LDLRAP1: variants seen among roughly 807,000 people sequenced by gnomAD.
LDLRAP1 encodes the protein low density lipoprotein receptor adapter protein 1.
In LDLRAP1, 30 loss-of-function variants were observed where a neutral mutation model predicts 37.8. The observed-to-expected ratio is 0.79, with a 90% CI of 0.59 to 1.08. The LOEUF (loss-of-function observed/expected upper bound fraction) is 1.08, where lower values mean the gene tolerates loss of function less well. LDLRAP1 is among the 50% of genes least tolerant of loss of function. The pLI is 0.00. For missense variants in LDLRAP1, 375 were observed against 401.6 expected (o/e 0.93, Z 0.57); for synonymous variants, 156 against 169.8 (o/e 0.92, Z 0.63).
the LDLRAP1 span, among the ~76,000 whole-genome samples, chr1:25,585,665 C>G: frequency 3.9e-5 from 6 of 152,184 alleles, no homozygotes; most frequent in Non-Finnish European, 8.8e-5. Context: ...TGGAACTGGC[C>G]TCTGGGCCTA....
the LDLRAP1 span, among the ~76,000 whole-genome samples, chr1:25,584,669 C>T: frequency 2.0e-5 from 3 of 152,224 alleles, no homozygotes; most frequent in East Asian, 5.8e-4. Flanking sequence ...GAAGCTGAAG[C>T]TTCATATCCC....
intron 8 of LDLRAP1, among the ~76,000 whole-genome samples, chr1:25,565,640 A>G (rs1441948176): frequency 6.6e-6 from 1 of 151,896 alleles, no homozygotes; most frequent in Non-Finnish European, 1.5e-5. Flanking sequence ...GAAGCGTTCC[A>G]TAGCAGGGAA....
rs575366471 is a variant in LDLRAP1 at position 25,551,424 on chromosome 1, GTC to G, written c.89-2495_89-2494del. Among the ~76,000 whole-genome samples, 106 of 152,350 alleles carry G rather than the reference GTC, an allele frequency of 7.0e-4. 1 individual carries two copies. The highest frequency in any genetic ancestry group is 1.3e-3 in the Non-Finnish European group (89 of 68,038). ...TTGGGCTTTAGAGTCAGTCCTTTGA[GTC>G]TCAGTTTCCTCTCTGTAAAATGGGA... On this transcript the variant is annotated intron_variant, in intron 1 of 8. Coordinates refer to ENST00000374338, the MANE Select transcript of LDLRAP1 (RefSeq NM_015627.3).
chr1:25,574,074 A>T, the LDLRAP1 span, among the ~76,000 whole-genome samples: 1 of 152,214 alleles, frequency 6.6e-6, no homozygotes, highest in African/African-American at 2.4e-5. Context: ...GGGTGGTCAG[A>T]GTTGGACAGA....
At chr1:25,563,537 G>A in intron 6 of LDLRAP1, 124 bp from the exon 7 acceptor site, 1 of 1,331,902 alleles carries the variant, frequency 7.5e-7, no homozygotes, top group Non-Finnish European at 1.0e-6. Flanking sequence ...CCAGGGCCGG[G>A]CTCTGCTGGG....
intron 4 of LDLRAP1, among the ~76,000 whole-genome samples, chr1:25,562,049 C>A (rs530029107): frequency 1.2e-4 from 18 of 152,042 alleles, no homozygotes; most frequent in Non-Finnish European, 2.4e-4. Flanking sequence ...TAGCACTGAC[C>A]GGTTTTGGTC....
chr1:25,556,440 G>A (rs930188597), intron 3 of LDLRAP1, among the ~76,000 whole-genome samples: 6 of 152,128 alleles, frequency 3.9e-5, no homozygotes, highest in Non-Finnish European at 5.9e-5. Context: ...TTGGGTCCTC[G>A]TCACACACGC....
downstream of LDLRAP1, among the ~76,000 whole-genome samples, chr1:25,571,140 T>G (rs115757267): frequency 2.5e-4 from 38 of 152,146 alleles, no homozygotes; most frequent in Admixed American, 1.8e-3. Flanking sequence ...ACCGACCTGG[T>G]GTGCCCTGCT....
At chr1:25,582,320 C>T in the LDLRAP1 span, among the ~76,000 whole-genome samples, 1 of 152,212 alleles carries the variant, frequency 6.6e-6, no homozygotes. Context: ...GGCGTGGTGG[C>T]TCACGCCTGT....
chr1:25,573,723 A>T (rs2044635562), downstream of LDLRAP1, among the ~76,000 whole-genome samples: 1 of 152,182 alleles, frequency 6.6e-6, no homozygotes, highest in Non-Finnish European at 1.5e-5. Flanking sequence ...TAGGACAGCC[A>T]TGTGAGGCCA....
chr1:25,558,086 G>A (rs1300715022), intron 4 of LDLRAP1, among the ~76,000 whole-genome samples: 1 of 152,098 alleles, frequency 6.6e-6, no homozygotes, highest in Non-Finnish European at 1.5e-5. Context: ...TGGTCACGGG[G>A]GATTTGTCCT....
chr1:25,570,110 C>G (rs2124709062), downstream of LDLRAP1, among the ~76,000 whole-genome samples: 2 of 152,322 alleles, frequency 1.3e-5, no homozygotes, highest in Admixed American at 1.3e-4. Context: ...GTCCAGAACC[C>G]AGAGGCAGAG....
chr1:25,583,838 C>T, the LDLRAP1 span, among the ~76,000 whole-genome samples: 1 of 152,112 alleles, frequency 6.6e-6, no homozygotes, highest in African/African-American at 2.4e-5. Flanking sequence ...CTTTCTGTCT[C>T]TGTGAATTTG....
chr1:25,585,234 G>A, the LDLRAP1 span, among the ~76,000 whole-genome samples: 2 of 152,182 alleles, frequency 1.3e-5, no homozygotes, highest in Non-Finnish European at 2.9e-5. Flanking sequence ...CTCTTTTGTA[G>A]ATGGAGGTTC....
intron 3 of LDLRAP1, among the ~76,000 whole-genome samples, chr1:25,556,784 C>T (rs1324211636): frequency 2.6e-5 from 4 of 152,190 alleles, no homozygotes; most frequent in South Asian, 4.1e-4. Context: ...TGATAGAACC[C>T]GTCTCAGAGG....
chr1:25,578,729 C>T, the LDLRAP1 span, among the ~76,000 whole-genome samples: 1 of 152,178 alleles, frequency 6.6e-6, no homozygotes, highest in Non-Finnish European at 1.5e-5. Flanking sequence ...GTTGCCCAGG[C>T]TGGTCTCAGA....
downstream of LDLRAP1, among the ~76,000 whole-genome samples, chr1:25,573,699 C>A (rs962607480): frequency 6.6e-5 from 10 of 152,186 alleles, no homozygotes; most frequent in Non-Finnish European, 1.5e-4. Flanking sequence ...GCTTTGCACA[C>A]GTTACGTAAT....
the LDLRAP1 span, among the ~76,000 whole-genome samples, chr1:25,575,602 C>A: frequency 5.3e-5 from 8 of 151,920 alleles, no homozygotes; most frequent in Admixed American, 3.9e-4. Context: ...CTTACAAAAA[C>A]AAACAAACAA....
At chr1:25,559,473 CA>C (rs764515516) in intron 4 of LDLRAP1, among the ~76,000 whole-genome samples, 2 of 152,226 alleles carry the variant, frequency 1.3e-5, no homozygotes, top group Non-Finnish European at 2.9e-5. Context: ...GCTGCTCAGC[CA>C]CTGACTGCAG....
Sources: gnomAD v4.1 joint callset for allele counts (sites outside exome capture counted in the v4.1 genomes callset) on GRCh38, gnomAD v4.1.1 for gene constraint, MANE v1.5 for transcripts, NCBI Gene and HGNC (gene_info 2026-07-23, HGNC 2026-07-21) for gene names.